Variants in ZNF625 observed in about 807,000 individuals in gnomAD.
ZNF625 encodes the protein zinc finger protein 625.
Under a neutral mutation model 11.1 loss-of-function variants are expected in ZNF625, and 8 were observed. The observed-to-expected ratio is 0.72, with a 90% CI of 0.42 to 1.30. The LOEUF (loss-of-function observed/expected upper bound fraction) is 1.30, where lower values mean the gene tolerates loss of function less well. Ranked by LOEUF, ZNF625 falls within the 50% of genes most tolerant of loss-of-function variation. ZNF625 has a pLI of 0.01. For synonymous variants in ZNF625, 145 were observed against 153.4 expected, an observed-to-expected ratio of 0.95 and a Z score of 0.41; for missense variants, 349 against 447.6, an observed-to-expected ratio of 0.78 and a Z score of 1.99.
chr19:12,149,702 C>T (rs972243398), intron 1 of ZNF625, among the ~76,000 whole-genome samples: 20 of 150,976 alleles, frequency 1.3e-4, no homozygotes, highest in African/African-American at 4.1e-4. Flanking sequence ...CAAGTAAGCA[C>T]GTGAAAAAGG....
intron 1 of ZNF625, among the ~76,000 whole-genome samples, chr19:12,151,632 G>T (rs983582221): frequency 3.3e-5 from 5 of 152,100 alleles, no homozygotes; most frequent in Admixed American, 2.6e-4. Flanking sequence ...GCCCGCCTCG[G>T]CCGCCCAAAG....
Position 12,156,713 on chromosome 19 carries a change from G to T in ZNF625, c.-155C>A, listed in dbSNP as rs1333399137. 2 of 662,948 alleles carry T rather than the reference G, an allele frequency of 3.0e-6. No individual in the cohort carries two copies. The highest frequency in any genetic ancestry group is 4.3e-6 in the Non-Finnish European group (2 of 465,434). 41.1% of individuals were successfully genotyped at this position (662,948 alleles called of 1,614,324 possible). On this transcript the variant is annotated 5_prime_UTR_variant, in exon 1 of 4. Coordinates refer to ENST00000439556, the MANE Select transcript of ZNF625 (RefSeq NM_145233.4). ...TCCCGACCTCCCTTTGGTGCAAGACGCCTGGGAGTCAGGAAAGCGGGAATG... is the reference window on the plus strand; with the variant it reads ...TCCCGACCTCCCTTTGGTGCAAGACTCCTGGGAGTCAGGAAAGCGGGAATG...
chr19:12,151,802 C>T (rs1976960419), intron 1 of ZNF625, among the ~76,000 whole-genome samples: 1 of 152,116 alleles, frequency 6.6e-6, no homozygotes, highest in Non-Finnish European at 1.5e-5. Context: ...ATGTGAACCA[C>T]TAACCTTGAC....
chr19:12,150,863 G>A (rs1396554278), intron 1 of ZNF625, among the ~76,000 whole-genome samples: 14 of 152,008 alleles, frequency 9.2e-5, no homozygotes, highest in Admixed American at 8.5e-4. Context: ...CCATAAACTG[G>A]GTGAGATGGG....
intron 1 of ZNF625, among the ~76,000 whole-genome samples, chr19:12,154,301 A>G (rs1411262673): frequency 6.6e-6 from 1 of 152,118 alleles, no homozygotes; most frequent in African/African-American, 2.4e-5. Flanking sequence ...CCTGGGGTCC[A>G]GTGATCCTCC....
At chr19:12,155,207 G>C (rs1356965369) in intron 1 of ZNF625, among the ~76,000 whole-genome samples, 3 of 146,872 alleles carry the variant, frequency 2.0e-5, no homozygotes, top group Admixed American at 6.8e-5. Context: ...GCCTGGGCGA[G>C]AGTGAGGCTC....
Position 12,156,545 on chromosome 19 carries a change from C to A in ZNF625, c.3+11G>T. ...TCCCCCGTCTCGGGACCCCCGGCCC[C>A]GCACACTCACCATTTCCCGGCTTCC... On this transcript the variant is annotated intron_variant, in intron 1 of 3. Transcript: ENST00000439556. The A allele has an allele frequency of 7.0e-7, 1 of 1,428,908 alleles. No individual in the cohort carries two copies. The highest frequency in any genetic ancestry group is 2.7e-5 in the East Asian group (1 of 36,392). 88.5% of individuals were successfully genotyped at this position (1,428,908 alleles called of 1,614,324 possible).
At chr19:12,152,815 G>C (rs1976974520) in intron 1 of ZNF625, among the ~76,000 whole-genome samples, 1 of 151,456 alleles carries the variant, frequency 6.6e-6, no homozygotes, top group Non-Finnish European at 1.5e-5. Context: ...GCACATCCCA[G>C]CCTGGATGAC....
intron 1 of ZNF625, among the ~76,000 whole-genome samples, chr19:12,152,222 C>A (rs189673461): frequency 1.1e-4 from 17 of 151,976 alleles, no homozygotes; most frequent in Non-Finnish European, 1.8e-4. Flanking sequence ...TATATAAATG[C>A]AACATATGTA....
At chr19:12,150,987 C>A (rs1293027872) in intron 1 of ZNF625, among the ~76,000 whole-genome samples, 2 of 152,106 alleles carry the variant, frequency 1.3e-5, no homozygotes, top group Non-Finnish European at 2.9e-5. Flanking sequence ...TACCTTGTGT[C>A]ATAAAGGAGA....
At chr19:12,146,928 G>A (rs181875946) in intron 3 of ZNF625, among the ~76,000 whole-genome samples, 1 of 151,238 alleles carries the variant, frequency 6.6e-6, no homozygotes, top group East Asian at 1.9e-4. Context: ...GCTTAAGCCA[G>A]GATGTTCAGC....
chr19:12,145,586 C>G lies in ZNF625; in HGVS notation c.830G>C (p.Cys277Ser). ...ITHTGEKPYECKQCGKAFVSF... is the reference protein window; with the variant it reads ...ITHTGEKPYESKQCGKAFVSF... Reference sequence around the variant, plus strand: ...AACAAAGGCTTTCCCACACTGTTTACATTCATACGGCTTCTCCCCAGTGTG... The same window carrying G: ...AACAAAGGCTTTCCCACACTGTTTAGATTCATACGGCTTCTCCCCAGTGTG... Residue 277 changes from cysteine (C) to serine (S), a missense_variant, in exon 4 of 4, where the codon TGT (cysteine) becomes TCT (serine). Physicochemically the swap from Cys to Ser is moderately radical, Grantham distance 112. Transcript: ENST00000439556. 6.2e-7 allele frequency: 1 copy of G among 1,614,128 alleles called. No homozygotes were observed.
intron 1 of ZNF625, among the ~76,000 whole-genome samples, chr19:12,152,978 T>A (rs964423795): frequency 4.6e-5 from 7 of 152,300 alleles, no homozygotes; most frequent in South Asian, 2.1e-4. Flanking sequence ...CTCCCAAAGA[T>A]GAGACACAGA....
chr19:12,150,426 C>A (rs763542815), intron 1 of ZNF625, among the ~76,000 whole-genome samples: 1 of 152,166 alleles, frequency 6.6e-6, no homozygotes, highest in Non-Finnish European at 1.5e-5. Context: ...CCCCTCCAAA[C>A]GTGATACCCA....
At chr19:12,155,743 G>T (rs1977017039) in intron 1 of ZNF625, among the ~76,000 whole-genome samples, 1 of 152,024 alleles carries the variant, frequency 6.6e-6, no homozygotes, top group Non-Finnish European at 1.5e-5. Flanking sequence ...GCCATGACTG[G>T]GTGTTTCTCA....
At chr19:12,148,560 T>C (rs1454085719) in intron 1 of ZNF625, among the ~76,000 whole-genome samples, 1 of 151,776 alleles carries the variant, frequency 6.6e-6, no homozygotes. Flanking sequence ...GTCCAAAGGA[T>C]GGTAAATGGC....
chr19:12,147,545 C>T, intron 2 of ZNF625, 90 bp from the exon 3 acceptor site: 1 of 1,536,800 alleles, frequency 6.5e-7, no homozygotes, highest in Non-Finnish European at 8.9e-7. Context: ...TGCAGCCTTG[C>T]AGCATTTATT....
At chr19:12,147,308 T>C (rs1284124128) in intron 3 of ZNF625, 87 bp downstream of exon 3, 1 of 1,216,644 alleles carries the variant, frequency 8.2e-7, no homozygotes. Flanking sequence ...GGAACTTGGC[T>C]TATTTCTTGT....
intron 3 of ZNF625, among the ~76,000 whole-genome samples, chr19:12,146,970 AT>A (rs934558893): frequency 0.019 from 2,420 of 130,526 alleles, 157 homozygotes; most frequent in African/African-American, 0.064. Context: ...GTTTTTAGAG[AT>A]TTTTTTTTTT....
Sources: allele counts gnomAD v4.1 joint callset (sites outside exome capture counted in the v4.1 genomes callset), GRCh38; gene constraint gnomAD v4.1.1; transcripts MANE v1.5; gene names NCBI Gene and HGNC (gene_info 2026-07-23, HGNC 2026-07-21).